UBN2: variants seen among roughly 807,000 people sequenced by gnomAD.
UBN2 encodes ubinuclein 2, also known as ubinuclein-2.
In UBN2, 35 loss-of-function variants were observed where a neutral mutation model predicts 120.2. The observed-to-expected ratio is 0.29, with a 90% CI of 0.22 to 0.39. The LOEUF (loss-of-function observed/expected upper bound fraction) is 0.39. Among genes scored for constraint, UBN2 ranks in the 10% least tolerant of loss-of-function variants. The probability of loss-of-function intolerance (pLI) is 1.00; values close to 1 mark genes in which losing one functional copy is unlikely to be tolerated. For synonymous variants in UBN2, 661 were observed against 648.7 expected, an observed-to-expected ratio of 1.02 and a Z score of -0.29; for missense variants, 1,693 against 1,663.2, an observed-to-expected ratio of 1.02 and a Z score of -0.31.
intron 7 of UBN2, among the ~76,000 whole-genome samples, chr7:139,267,556 AAG>A (rs1164721239): frequency 6.6e-6 from 1 of 151,804 alleles, no homozygotes; most frequent in African/African-American, 2.4e-5. Flanking sequence ...AAAAGAGAGA[AAG>A]AGAGAAGGAA....
In UBN2 at chr7:139,306,322, G is replaced by A. The variant is rs890711832; in HGVS notation, c.*8486G>A. 6 of 152,158 alleles carry A rather than the reference G, an allele frequency of 3.9e-5. No individual in the cohort carries two copies. The highest frequency in any genetic ancestry group is 7.4e-5 in the Non-Finnish European group (5 of 68,024). 9.4% of individuals were successfully genotyped at this position (152,158 alleles called of 1,614,324 possible). On this transcript the variant is annotated 3_prime_UTR_variant, in exon 18 of 18. Coordinates refer to ENST00000473989, the MANE Select transcript of UBN2 (RefSeq NM_173569.4). The stretch of plus-strand genomic sequence containing the variant: ...TTTTGCTTATCCCTGCTGTTTGTAG[G>A]GTTAGTGTGCCCTCTGTCAGAAAAT...
At chr7:139,272,541 T>TG in intron 9 of UBN2, 101 bp downstream of exon 9, 94 of 822,196 alleles carry the variant, frequency 1.1e-4, no homozygotes, top group Admixed American at 9.7e-4. Context: ...TATGTATGTA[T>TG]TTTGAGACGG....
chr7:139,231,570 C>A lies in UBN2; in HGVS notation c.86C>A (p.Pro29His). The A allele has an allele frequency of 7.1e-7, 1 of 1,405,618 alleles. No individual in the cohort carries two copies. Among genetic ancestry groups the A allele is most frequent in the Non-Finnish European group, 9.3e-7 (1 of 1,070,444 alleles). 87.1% of individuals were successfully genotyped at this position (1,405,618 alleles called of 1,614,324 possible). Residue 29 changes from proline (P) to histidine (H), a missense_variant, in exon 1 of 18, where the codon CCC becomes CAC. By Grantham distance (77) the Pro-to-His change is moderately conservative. Transcript: ENST00000473989. ...GAGTACCCGGGGCCCGAGCGTGAGC[C>A]CGAGTACCCCCGCGAGCCCCCCCGG... ...EAEYPGPERE[P>H]EYPREPPRLE... is the part of the protein sequence containing the mutation.
the UBN2 span, among the ~76,000 whole-genome samples, chr7:139,320,454 C>CT: frequency 2.4e-3 from 360 of 152,030 alleles, 2 homozygotes; most frequent in Non-Finnish European, 4.5e-3. Context: ...GAGAGAGACT[C>CT]TGTCTCAAAA....
the UBN2 span, among the ~76,000 whole-genome samples, chr7:139,328,698 G>C: frequency 6.6e-6 from 1 of 151,990 alleles, no homozygotes; most frequent in African/African-American, 2.4e-5. Context: ...ACAAAAACAT[G>C]TTAAATCAGA....
chr7:139,312,749 C>T (rs1798465266), downstream of UBN2, among the ~76,000 whole-genome samples: 1 of 152,206 alleles, frequency 6.6e-6, no homozygotes, highest in Non-Finnish European at 1.5e-5. Flanking sequence ...AGATATCCTC[C>T]AGCATTTTCT....
chr7:139,261,946 T>C (rs1796948873), intron 6 of UBN2, among the ~76,000 whole-genome samples: 1 of 148,446 alleles, frequency 6.7e-6, no homozygotes, highest in South Asian at 2.1e-4. Flanking sequence ...CTTTCTTTCT[T>C]TCTTTTTTTT....
intron 7 of UBN2, among the ~76,000 whole-genome samples, chr7:139,268,155 A>T (rs978804164): frequency 2.0e-5 from 3 of 152,206 alleles, no homozygotes; most frequent in Non-Finnish European, 4.4e-5. Flanking sequence ...GAGTATCAGC[A>T]TTCCATTAAC....
the UBN2 span, among the ~76,000 whole-genome samples, chr7:139,327,023 CTTTTT>C: frequency 6.6e-6 from 1 of 152,084 alleles, no homozygotes; most frequent in Non-Finnish European, 1.5e-5. Context: ...TTCTTCTTTT[CTTTTT>C]ATTTTATTTG....
chr7:139,237,142 C>T (rs761571392), intron 2 of UBN2, 45 bp downstream of exon 2: 12 of 1,430,924 alleles, frequency 8.4e-6, no homozygotes, highest in Non-Finnish European at 1.1e-5. Flanking sequence ...ATCCTATTGA[C>T]CTGTTTGCTT....
In UBN2 at chr7:139,282,066, T is replaced by C. The variant is rs924704650; in HGVS notation, c.2118+11T>C. On this transcript the variant is annotated intron_variant, in intron 14 of 17. Coordinates refer to ENST00000473989, the MANE Select transcript of UBN2 (RefSeq NM_173569.4). Reference sequence around the variant, plus strand: ...CCCACTATGCTTAAGGTAAGTGCTATGGTTGTATCAATCAGTATGTAATAT... The same window carrying C: ...CCCACTATGCTTAAGGTAAGTGCTACGGTTGTATCAATCAGTATGTAATAT... The C allele has an allele frequency of 6.2e-7, 1 of 1,612,898 alleles. No homozygotes were observed. Among genetic ancestry groups the C allele is most frequent in the Non-Finnish European group, 8.5e-7 (1 of 1,179,028 alleles).
intron 12 of UBN2, among the ~76,000 whole-genome samples, chr7:139,278,255 C>T (rs1452063774): frequency 6.7e-6 from 1 of 149,292 alleles, no homozygotes; most frequent in African/African-American, 2.5e-5. Flanking sequence ...GATCTCAACT[C>T]GCTGCAACGT....
rs1797196190 is a variant in UBN2, at chr7:139,269,442, C to T, written c.1515C>T (p.Val505=). 2 of 1,614,026 alleles carry T rather than the reference C, an allele frequency of 1.2e-6. No homozygotes were observed. The highest frequency in any genetic ancestry group is 8.5e-7 in the Non-Finnish European group (1 of 1,180,022). ...TAGGCCCTGTCATTCGCAGTGGTGTCTACTCCCACCTTGAAGCTTTTGTGC... is the reference window on the plus strand; with the variant it reads ...TAGGCCCTGTCATTCGCAGTGGTGTTTACTCCCACCTTGAAGCTTTTGTGC... ...QELGPVIRSG[V]YSHLEAFVPC... is the part of the protein sequence containing the mutation. The change falls in exon 8 of 18, where the codon GTC becomes GTT. Residue 505 remains valine (V), a synonymous_variant. Transcript: ENST00000473989.
Position 139,304,674 on chromosome 7 carries a change from T to C in UBN2, c.*6838T>C, listed in dbSNP as rs1798326635. 6 of 149,400 alleles carry C rather than the reference T, an allele frequency of 4.0e-5. No homozygotes were observed. The Admixed American group carries it at 4.1e-4, about 10-fold the overall frequency. The allele number at this position is 149,400 out of a possible 1,614,324, so 9.3% of individuals were successfully genotyped here. On this transcript the variant is annotated 3_prime_UTR_variant, in exon 18 of 18. Transcript: ENST00000473989. Reference sequence around the variant, plus strand: ...CAAAGCATCTGGTTAATTTCCAGAATTGGCTAAGGTCCACTGAATCTCTAA... The same window carrying C: ...CAAAGCATCTGGTTAATTTCCAGAACTGGCTAAGGTCCACTGAATCTCTAA...
chr7:139,269,247 T>G (rs917685123), intron 7 of UBN2, 147 bp from the exon 8 acceptor site: 46 of 721,480 alleles, frequency 6.4e-5, no homozygotes, highest in Non-Finnish European at 8.3e-5. Context: ...TTGCTATGGG[T>G]TTTTTTTTAT....
downstream of UBN2, among the ~76,000 whole-genome samples, chr7:139,310,596 C>T (rs143432330): frequency 0.021 from 3,209 of 152,136 alleles, 125 homozygotes; most frequent in African/African-American, 0.073. Flanking sequence ...CATGGTGAAA[C>T]CCCGTCTCTA....
chr7:139,259,327 G>A lies in UBN2; in HGVS notation c.862G>A (p.Glu288Lys). Reference protein sequence around the residue: ...MKKRKRKEEGEKEKKPRKKVP... With the variant: ...MKKRKRKEEGKKEKKPRKKVP... Reference sequence around the variant, plus strand: ...GAAGCGGAAGCGGAAAGAGGAAGGGGAAAAGGAGAAGAAGCCAAGGAAAAA... The same window carrying A: ...GAAGCGGAAGCGGAAAGAGGAAGGGAAAAAGGAGAAGAAGCCAAGGAAAAA... Residue 288 changes from glutamate to lysine, a missense_variant, in exon 5 of 18, where the codon GAA (glutamate) becomes AAA (lysine). Transcript: ENST00000473989. 1.2e-6 allele frequency: 2 copies of A among 1,613,958 alleles called. No individual in the cohort carries two copies. Among genetic ancestry groups the A allele is most frequent in the Non-Finnish European group, 1.7e-6 (2 of 1,179,912 alleles).
At chr7:139,291,777 C>A (rs961849647) in intron 15 of UBN2, among the ~76,000 whole-genome samples, 5 of 151,792 alleles carry the variant, frequency 3.3e-5, no homozygotes, top group African/African-American at 1.2e-4. Context: ...TCACTTGAGC[C>A]CAGGAGTTTG....
the UBN2 span, among the ~76,000 whole-genome samples, chr7:139,320,033 G>A: frequency 6.6e-6 from 1 of 151,192 alleles, no homozygotes; most frequent in East Asian, 1.9e-4. Flanking sequence ...CCGAGATCGT[G>A]CCACTGCACT....
Sources: allele counts gnomAD v4.1 joint callset (sites outside exome capture counted in the v4.1 genomes callset), GRCh38; gene constraint gnomAD v4.1.1; transcripts MANE v1.5; gene names NCBI Gene and HGNC (gene_info 2026-07-23, HGNC 2026-07-21).